COL5A2: variants seen among roughly 807,000 people sequenced by gnomAD.
The protein encoded by COL5A2 is collagen type V alpha 2 chain.
A neutral mutation model predicts 208.2 loss-of-function variants in COL5A2; 23 were observed. The observed-to-expected ratio is 0.11, with a 90% CI of 0.08 to 0.16. The LOEUF is 0.16. Among genes scored for constraint, COL5A2 ranks in the 10% least tolerant of loss-of-function variants. The pLI, the probability that COL5A2 is intolerant of heterozygous loss-of-function variation, is 1.00. For missense variants in COL5A2, 1,590 were observed against 1,956.4 expected (o/e 0.81, Z 3.53); for synonymous variants, 625 against 628.5 (o/e 0.99, Z 0.08).
At chr2:189,423,856 T>C in the COL5A2 span, among the ~76,000 whole-genome samples, 1 of 151,628 alleles carries the variant, frequency 6.6e-6, no homozygotes, top group South Asian at 2.1e-4. Context: ...TACTAATAAA[T>C]GTATTTTATG....
the COL5A2 span, among the ~76,000 whole-genome samples, chr2:189,291,332 T>A: frequency 6.6e-6 from 1 of 152,136 alleles, no homozygotes; most frequent in Non-Finnish European, 1.5e-5. Flanking sequence ...CATTATTAGC[T>A]CTATAATCTT....
At chr2:189,169,793 C>T (rs1688537173) in intron 1 of COL5A2, among the ~76,000 whole-genome samples, 1 of 152,218 alleles carries the variant, frequency 6.6e-6, no homozygotes, top group Non-Finnish European at 1.5e-5. Flanking sequence ...CTCACTGCAA[C>T]CTCGCCTCCC....
At chr2:189,204,198 G>T (rs1339575105) in intron 1 of COL5A2, among the ~76,000 whole-genome samples, 1 of 152,136 alleles carries the variant, frequency 6.6e-6, no homozygotes, top group Non-Finnish European at 1.5e-5. Flanking sequence ...CGCCCAGCCA[G>T]AATGAAGCAT....
chr2:189,064,968 C>T (rs761159956), intron 24 of COL5A2, 36 bp downstream of exon 24: 3 of 1,606,668 alleles, frequency 1.9e-6, no homozygotes, highest in Non-Finnish European at 2.6e-6. Flanking sequence ...TGGAGCACCC[C>T]CCACGTAAGT....
rs1685387773 is a variant in COL5A2 at position 189,033,845 on chromosome 2, T to G, written c.*225A>C. The G allele has an allele frequency of 3.3e-6, 2 of 599,268 alleles. No individual in the cohort carries two copies. The highest frequency in any genetic ancestry group is 2.8e-5 in the Admixed American group (1 of 35,220). 37.1% of individuals were successfully genotyped at this position (599,268 alleles called of 1,614,324 possible). Reference sequence around the variant, plus strand: ...GTCATTGGTCATCTTAAACCTAAACTGTTGTATTGAAAAATATTTAAAATC... The same window carrying G: ...GTCATTGGTCATCTTAAACCTAAACGGTTGTATTGAAAAATATTTAAAATC... On this transcript the variant is annotated 3_prime_UTR_variant, in exon 54 of 54. Coordinates refer to ENST00000374866, the MANE Select transcript of COL5A2 (RefSeq NM_000393.5).
chr2:189,093,438 C>T, intron 6 of COL5A2, among the ~76,000 whole-genome samples: 1 of 152,124 alleles, frequency 6.6e-6, no homozygotes, highest in East Asian at 1.9e-4. Context: ...GTAAGCAATT[C>T]AAATAGGAGC....
chr2:189,387,053 T>G, the COL5A2 span, among the ~76,000 whole-genome samples: 1 of 152,086 alleles, frequency 6.6e-6, no homozygotes, highest in African/African-American at 2.4e-5. Flanking sequence ...AGCAAAAACA[T>G]GGAATCAACC....
At chr2:189,310,937 T>C in the COL5A2 span, among the ~76,000 whole-genome samples, 20 of 151,184 alleles carry the variant, frequency 1.3e-4, no homozygotes, top group South Asian at 3.1e-3. Flanking sequence ...GGAAGGGTAG[T>C]GGGGAGCAGG....
intron 1 of COL5A2, among the ~76,000 whole-genome samples, chr2:189,201,586 A>C (rs1689068512): frequency 6.6e-6 from 1 of 152,048 alleles, no homozygotes; most frequent in Admixed American, 6.5e-5. Flanking sequence ...CCAAAGTTAG[A>C]AATTACCTTG....
the COL5A2 span, among the ~76,000 whole-genome samples, chr2:189,232,721 G>A: frequency 2.6e-5 from 4 of 151,598 alleles, no homozygotes; most frequent in African/African-American, 9.7e-5. Context: ...CTTGTGAATG[G>A]GATTAGTCCC....
the COL5A2 span, among the ~76,000 whole-genome samples, chr2:189,437,237 G>A: frequency 5.3e-5 from 8 of 152,172 alleles, no homozygotes; most frequent in African/African-American, 1.9e-4. Context: ...GCTGGCCCGT[G>A]GGAGGCACCA....
chr2:189,212,421 T>C (rs545502615), intron 1 of COL5A2, among the ~76,000 whole-genome samples: 1 of 152,140 alleles, frequency 6.6e-6, no homozygotes, highest in South Asian at 2.1e-4. Flanking sequence ...GCTGATCAAC[T>C]GAGGTCAGGA....
upstream of COL5A2, among the ~76,000 whole-genome samples, chr2:189,183,319 C>T (rs1319178967): frequency 1.3e-5 from 2 of 152,148 alleles, no homozygotes; most frequent in Admixed American, 1.3e-4. Context: ...GTCAAACTTC[C>T]TTTTCTAATT....
intron 1 of COL5A2, among the ~76,000 whole-genome samples, chr2:189,200,636 A>ATT (rs1689057297): frequency 6.8e-6 from 1 of 146,412 alleles, no homozygotes; most frequent in Non-Finnish European, 1.5e-5. Context: ...TAGCTCAGAA[A>ATT]ATGTCAAGCA....
At chr2:189,334,847 A>G in the COL5A2 span, among the ~76,000 whole-genome samples, 1 of 152,150 alleles carries the variant, frequency 6.6e-6, no homozygotes, top group Non-Finnish European at 1.5e-5. Flanking sequence ...TAAAGCTACA[A>G]CTATCATGTG....
At chr2:189,311,262 A>C in the COL5A2 span, 2 of 1,459,132 alleles carry the variant, frequency 1.4e-6, no homozygotes, top group South Asian at 2.3e-5. Flanking sequence ...CTGCTGGCTT[A>C]ATGTTTCAGA....
At chr2:189,060,377 A>G (rs1325746332) in intron 31 of COL5A2, among the ~76,000 whole-genome samples, 2 of 151,764 alleles carry the variant, frequency 1.3e-5, no homozygotes, top group Non-Finnish European at 2.9e-5. Flanking sequence ...TGAACAAATG[A>G]ATCATTCAAA....
At chr2:189,366,099 T>G in the COL5A2 span, among the ~76,000 whole-genome samples, 1 of 152,172 alleles carries the variant, frequency 6.6e-6, no homozygotes, top group East Asian at 1.9e-4. Context: ...GAGAGTTCTT[T>G]TATTTTGAGA....
the COL5A2 span, among the ~76,000 whole-genome samples, chr2:189,424,501 C>T: frequency 6.6e-6 from 1 of 152,016 alleles, no homozygotes; most frequent in African/African-American, 2.4e-5. Flanking sequence ...ACAAAATCAA[C>T]ATACAAAAGT....
Sources: gnomAD v4.1 joint callset for allele counts (sites outside exome capture counted in the v4.1 genomes callset) on GRCh38, gnomAD v4.1.1 for gene constraint, MANE v1.5 for transcripts, NCBI Gene and HGNC (gene_info 2026-07-23, HGNC 2026-07-21) for gene names.